SAMD3: variants seen among roughly 807,000 people sequenced by gnomAD.
SAMD3 encodes the protein sterile alpha motif domain containing 3, also known as sterile alpha motif domain-containing protein 3.
In SAMD3, 63 loss-of-function variants were observed where a neutral mutation model predicts 58.5. That is an observed-to-expected ratio of 1.08 (90% CI 0.88 to 1.33). The LOEUF (loss-of-function observed/expected upper bound fraction) is 1.33, where lower values mean the gene tolerates loss of function less well. Ranked by LOEUF, SAMD3 falls within the 40% of genes most tolerant of loss-of-function variation. The probability of loss-of-function intolerance (pLI) is 0.00; values close to 1 mark genes in which losing one functional copy is unlikely to be tolerated. For synonymous variants in SAMD3, 220 were observed against 210.3 expected (o/e 1.05, Z -0.40); for missense variants, 604 against 608.4 (o/e 0.99, Z 0.08).
At chr6:130,154,584 C>T (rs1247326817) in intron 9 of SAMD3, among the ~76,000 whole-genome samples, 1 of 151,300 alleles carries the variant, frequency 6.6e-6, no homozygotes, top group Admixed American at 6.6e-5. Context: ...GTCCCAGCTA[C>T]TCAGGAGGCT....
intron 9 of SAMD3, among the ~76,000 whole-genome samples, chr6:130,147,048 A>G (rs1470734738): frequency 1.3e-5 from 2 of 151,970 alleles, no homozygotes; most frequent in South Asian, 2.1e-4. Context: ...AGTTTACTTT[A>G]TGGAAGTCCC....
upstream of SAMD3, among the ~76,000 whole-genome samples, chr6:130,226,819 ACT>A (rs200549457): frequency 0.013 from 2,008 of 152,000 alleles, 41 homozygotes; most frequent in African/African-American, 0.046. Context: ...TAAGAGCGAA[ACT>A]CTGTCTCAAA....
intron 1 of SAMD3, among the ~76,000 whole-genome samples, chr6:130,354,654 G>A (rs1430540676): frequency 1.3e-5 from 2 of 152,082 alleles, no homozygotes; most frequent in Non-Finnish European, 2.9e-5. Flanking sequence ...GCCTATGTGA[G>A]GGTGAAGGGT....
At chr6:130,341,921 T>G (rs1011621051) in intron 1 of SAMD3, among the ~76,000 whole-genome samples, 4 of 152,218 alleles carry the variant, frequency 2.6e-5, no homozygotes, top group Admixed American at 2.6e-4. Context: ...AATATTCTTT[T>G]TATTCCACCA....
intron 2 of SAMD3, among the ~76,000 whole-genome samples, chr6:130,304,032 C>G (rs1188008749): frequency 6.6e-6 from 1 of 151,956 alleles, no homozygotes; most frequent in African/African-American, 2.4e-5. Context: ...AAACATTTAT[C>G]TACATTTTCT....
chr6:130,171,901 G>A (rs1791286137), intron 8 of SAMD3, among the ~76,000 whole-genome samples: 1 of 152,174 alleles, frequency 6.6e-6, no homozygotes, highest in Non-Finnish European at 1.5e-5. Context: ...CCTGTACTAG[G>A]TGCATATATA....
intron 2 of SAMD3, among the ~76,000 whole-genome samples, chr6:130,271,333 C>T (rs1774556385): frequency 6.6e-6 from 1 of 152,158 alleles, no homozygotes; most frequent in African/African-American, 2.4e-5. Flanking sequence ...TCTGTTTCCC[C>T]TCAACTTCCC....
chr6:130,349,034 A>G (rs1010054171), intron 1 of SAMD3, among the ~76,000 whole-genome samples: 34 of 152,182 alleles, frequency 2.2e-4, no homozygotes, highest in African/African-American at 8.2e-4. Context: ...AACCAACGAG[A>G]ACAAAGACAC....
chr6:130,327,834 A>G (rs543433015), intron 1 of SAMD3, among the ~76,000 whole-genome samples: 1 of 152,254 alleles, frequency 6.6e-6, no homozygotes, highest in Non-Finnish European at 1.5e-5. Flanking sequence ...TACCCATATT[A>G]TGACTGATGA....
chr6:130,280,703 C>T lies in SAMD3; in HGVS notation c.-188+32275G>A, dbSNP rs151176236. 5.9e-5 allele frequency among the ~76,000 whole-genome samples: 9 copies of T among 152,278 alleles called. 1 individual carries two copies. In the East Asian group the frequency reaches 1.7e-3, roughly 29 times the overall value. ...AATCCCATATTATAGTTATTTGGAA[C>T]ATTACATTGCAGTCGTAAACTCCTT... On this transcript the variant is annotated intron_variant, in intron 2 of 13. Transcript: ENST00000368134.
At chr6:130,162,531 G>A (rs535320539) in intron 8 of SAMD3, among the ~76,000 whole-genome samples, 8 of 152,088 alleles carry the variant, frequency 5.3e-5, no homozygotes, top group Admixed American at 2.6e-4. Flanking sequence ...TTAAGAAAAC[G>A]GTATCTTGCC....
At chr6:130,281,182 T>C (rs755472372) in intron 2 of SAMD3, among the ~76,000 whole-genome samples, 25 of 152,350 alleles carry the variant, frequency 1.6e-4, no homozygotes, top group African/African-American at 5.3e-4. Flanking sequence ...TTTTGGATTG[T>C]GGCTAATGAC....
rs371648652 is a variant in SAMD3, at chr6:130,205,044, C to A, written c.383+4451G>T. ...AAAAGCTGGCACTTGTTCCCCACCT[C>A]TCTCTACCTCTTGAAAAAGGCTGGC... On this transcript the variant is annotated intron_variant, in intron 5 of 11. Transcript: ENST00000439090. Among the ~76,000 whole-genome samples the A allele has an allele frequency of 4.6e-5, 7 of 151,552 alleles. No homozygotes were observed. In the East Asian group the frequency reaches 5.8e-4, roughly 13 times the overall value.
intron 8 of SAMD3, chr6:130,159,764 A>G (rs1362588786): frequency 6.6e-6 from 1 of 152,240 alleles, no homozygotes; most frequent in Non-Finnish European, 1.5e-5. Context: ...AAGGAGTAGA[A>G]TACAGAATAT....
In SAMD3 at chr6:130,247,241, G is replaced by A. The variant is rs374250217; in HGVS notation, c.-187-24428C>T. Among the ~76,000 whole-genome samples the A allele has an allele frequency of 2.6e-5, 4 of 152,234 alleles. 1 individual carries two copies. ...TCCCAACACTTTGAGAGGCCGAGGC[G>A]GGCGGATCACCTTAGGTCAGGAGCT... On this transcript the variant is annotated intron_variant, in intron 2 of 13. Coordinates refer to the SAMD3 transcript ENST00000368134.
At chr6:130,258,554 C>T (rs1774004529) in intron 2 of SAMD3, among the ~76,000 whole-genome samples, 3 of 152,108 alleles carry the variant, frequency 2.0e-5, no homozygotes, top group Admixed American at 2.0e-4. Context: ...TAAGTTTTGA[C>T]ATATGAATAG....
intron 2 of SAMD3, among the ~76,000 whole-genome samples, chr6:130,301,595 G>A (rs6937866): frequency 0.34 from 52,049 of 151,918 alleles, 9,191 homozygotes; most frequent in East Asian, 0.45. Context: ...TAAAATTCAT[G>A]TGAAACCCCC....
At chr6:130,291,465 G>A (rs949066904) in intron 2 of SAMD3, among the ~76,000 whole-genome samples, 2 of 152,188 alleles carry the variant, frequency 1.3e-5, no homozygotes, top group Non-Finnish European at 2.9e-5. Flanking sequence ...GGTTGACTCT[G>A]TAGTTTGATA....
intron 2 of SAMD3, among the ~76,000 whole-genome samples, chr6:130,240,127 C>T (rs1773304549): frequency 6.6e-6 from 1 of 152,200 alleles, no homozygotes; most frequent in South Asian, 2.1e-4. Flanking sequence ...GATGTCCCTT[C>T]ATGGAAAAAA....
Sources: gnomAD v4.1 joint callset for allele counts (sites outside exome capture counted in the v4.1 genomes callset) on GRCh38, gnomAD v4.1.1 for gene constraint, MANE v1.5 for transcripts, NCBI Gene and HGNC (gene_info 2026-07-23, HGNC 2026-07-21) for gene names.